The following ZNF37A variants were observed in gnomAD, a reference collection of about 807,000 sequenced individuals.
The protein encoded by ZNF37A is zinc finger protein 37A, also known as zinc finger protein 37a (KOX 21).
ZNF37A carries 10 observed loss-of-function variants against 12.3 expected under a neutral mutation model. The ratio of observed to expected loss-of-function variants is 0.82; its 90% CI spans 0.50 to 1.38. The LOEUF (loss-of-function observed/expected upper bound fraction) is 1.38. Among genes scored for constraint, ZNF37A ranks in the 40% most tolerant of loss-of-function variants. The pLI, the probability that ZNF37A is intolerant of heterozygous loss-of-function variation, is 0.00. For synonymous variants in ZNF37A, 207 were observed against 223.0 expected, an observed-to-expected ratio of 0.93 and a Z score of 0.64; for missense variants, 580 against 651.2, an observed-to-expected ratio of 0.89 and a Z score of 1.19.
intron 5 of ZNF37A, among the ~76,000 whole-genome samples, chr10:38,105,761 A>G (rs542588895): frequency 5.8e-4 from 88 of 152,320 alleles, no homozygotes; most frequent in African/African-American, 2.1e-3. Flanking sequence ...GAATACTACC[A>G]TAAATGGAAT....
At chr10:38,147,537 A>C (rs2070270175) in exon 8 of ZNF37A, 1 of 152,202 alleles carries the variant, frequency 6.6e-6, no homozygotes, top group Non-Finnish European at 1.5e-5. Flanking sequence ...AAATTCCCCC[A>C]GTTTTATTTA....
chr10:38,118,721 G>A lies in ZNF37A; in HGVS notation c.1570G>A (p.Glu524Lys), dbSNP rs777827648. The A allele has an allele frequency of 6.2e-7, 1 of 1,613,862 alleles. No homozygotes were observed. Among genetic ancestry groups the A allele is most frequent in the Admixed American group, 1.7e-5 (1 of 59,910 alleles). ...HRTHTGEKPY[E>K]CNVCGKSFYV... ...AACACACACAGGGGAGAAACCCTATGAATGTAATGTTTGTGGAAAATCATT... is the reference window on the plus strand; with the variant it reads ...AACACACACAGGGGAGAAACCCTATAAATGTAATGTTTGTGGAAAATCATT... The change falls in exon 8 of 8, where the codon GAA becomes AAA. Residue 524 changes from glutamate to lysine, a missense_variant. Coordinates refer to ENST00000685332, the MANE Select transcript of ZNF37A (RefSeq NM_001324250.3).
chr10:38,141,384 C>A (rs1485523553), intron 7 of ZNF37A: 1 of 152,172 alleles, frequency 6.6e-6, no homozygotes, highest in South Asian at 2.1e-4. Flanking sequence ...GGCCACCTCA[C>A]CTCTGCAACA....
downstream of ZNF37A, among the ~76,000 whole-genome samples, chr10:38,129,986 AT>A (rs1244442563): frequency 6.6e-6 from 1 of 152,142 alleles, no homozygotes; most frequent in Non-Finnish European, 1.5e-5. Context: ...TATACCTAAA[AT>A]TTTTTCACTT....
intron 7 of ZNF37A, chr10:38,138,925 C>T (rs1310354342): frequency 1.3e-5 from 2 of 152,210 alleles, no homozygotes; most frequent in African/African-American, 4.8e-5. Context: ...CTCCTAAAGA[C>T]ACATCCTCTG....
intron 5 of ZNF37A, among the ~76,000 whole-genome samples, chr10:38,112,738 T>TGTCTTGTCTTGTCTTG: frequency 5.1e-5 from 3 of 58,914 alleles, no homozygotes; most frequent in African/African-American, 1.9e-4. Context: ...CCATTTTCTT[T>TGTCTTGTCTTGTCTTG]TCTTTTCTTT....
chr10:38,096,268 T>C (rs2067148340), intron 4 of ZNF37A, among the ~76,000 whole-genome samples: 1 of 152,332 alleles, frequency 6.6e-6, no homozygotes, highest in Non-Finnish European at 1.5e-5. Flanking sequence ...GATTAAAACC[T>C]GAGTATTTTT....
At chr10:38,133,836 G>A (rs2070067828) in intron 7 of ZNF37A, among the ~76,000 whole-genome samples, 1 of 152,160 alleles carries the variant, frequency 6.6e-6, no homozygotes, top group South Asian at 2.1e-4. Context: ...ACCCAGTAAT[G>A]GGATGGTTGG....
intron 7 of ZNF37A, among the ~76,000 whole-genome samples, chr10:38,145,798 G>A (rs1337285079): frequency 6.6e-6 from 1 of 152,160 alleles, no homozygotes. Flanking sequence ...TTTCTCAAGA[G>A]GAGACTAAAG....
rs987800442 is a variant in ZNF37A at position 38,122,668 on chromosome 10, CAAAAATCA to C, written c.*3835_*3842del. The C allele has an allele frequency of 6.6e-6, 1 of 152,038 alleles. No homozygotes were observed. The highest frequency in any genetic ancestry group is 2.4e-5 in the African/African-American group (1 of 41,404). 9.4% of individuals were successfully genotyped at this position (152,038 alleles called of 1,614,324 possible). ...CTAGACCCCCATCTCTTAGCATATA[CAAAAATCA>C]AAATTAATTAAAAAGTTAAATCTAA... On this transcript the variant is annotated 3_prime_UTR_variant, in exon 8 of 8. Transcript: ENST00000685332.
intron 5 of ZNF37A, among the ~76,000 whole-genome samples, chr10:38,098,196 C>T (rs1408164278): frequency 6.6e-6 from 1 of 152,194 alleles, no homozygotes; most frequent in Non-Finnish European, 1.5e-5. Context: ...GATATACCAA[C>T]TTTTGTTTAT....
intron 7 of ZNF37A, chr10:38,115,644 C>T (rs2069213135): frequency 6.3e-6 from 1 of 158,798 alleles, no homozygotes; most frequent in South Asian, 2.0e-4. Context: ...TTGTACTCTT[C>T]CCAGTAAAGA....
chr10:38,100,438 C>T (rs757664548), intron 5 of ZNF37A, among the ~76,000 whole-genome samples: 18 of 152,118 alleles, frequency 1.2e-4, no homozygotes, highest in East Asian at 1.9e-4. Context: ...CCATAGGAGA[C>T]GGCCACACCC....
chr10:38,101,857 G>A (rs574308404), intron 5 of ZNF37A, among the ~76,000 whole-genome samples: 1 of 129,810 alleles, frequency 7.7e-6, no homozygotes, highest in East Asian at 2.2e-4. Context: ...GAGTCTCACT[G>A]TGTCACCCAG....
intron 7 of ZNF37A, among the ~76,000 whole-genome samples, chr10:38,116,520 C>G (rs1375824300): frequency 6.6e-6 from 1 of 152,126 alleles, no homozygotes; most frequent in Admixed American, 6.5e-5. Context: ...GAGGGACAAA[C>G]AGCTGAACTT....
chr10:38,146,493 T>C (rs2070256484), intron 7 of ZNF37A, among the ~76,000 whole-genome samples: 2 of 152,102 alleles, frequency 1.3e-5, no homozygotes, highest in Non-Finnish European at 2.9e-5. Context: ...TCATATTTTA[T>C]TGGTGAAAAG....
intron 5 of ZNF37A, 22 bp downstream of exon 5, chr10:38,096,654 C>A: frequency 6.2e-7 from 1 of 1,610,880 alleles, no homozygotes; most frequent in Non-Finnish European, 8.5e-7. Context: ...ATTTTTTCAC[C>A]GTTTTGCTTA....
intron 4 of ZNF37A, among the ~76,000 whole-genome samples, chr10:38,096,086 T>G (rs1340728684): frequency 2.0e-5 from 3 of 152,094 alleles, no homozygotes; most frequent in Non-Finnish European, 4.4e-5. Context: ...CTTGGGAGGC[T>G]GAGGCAGGAG....
chr10:38,128,137 T>C (rs151241847), downstream of ZNF37A, among the ~76,000 whole-genome samples: 41 of 152,258 alleles, frequency 2.7e-4, no homozygotes, highest in African/African-American at 3.4e-4. Flanking sequence ...TGGAAAGATA[T>C]CTGCACTAAA....
Sources: allele counts gnomAD v4.1 joint callset (sites outside exome capture counted in the v4.1 genomes callset), GRCh38; gene constraint gnomAD v4.1.1; transcripts MANE v1.5; gene names NCBI Gene and HGNC (gene_info 2026-07-23, HGNC 2026-07-21).